DIAPH3: variants seen among roughly 807,000 people sequenced by gnomAD.
The protein encoded by DIAPH3 is diaphanous related formin 3, also known as protein diaphanous homolog 3.
In DIAPH3, 117 loss-of-function variants were observed where a neutral mutation model predicts 144.3. The ratio of observed to expected loss-of-function variants is 0.81; its 90% CI spans 0.70 to 0.95. The LOEUF (loss-of-function observed/expected upper bound fraction) is 0.95, where lower values mean the gene tolerates loss of function less well. Ranked by LOEUF, DIAPH3 falls within the 40% of genes least tolerant of loss-of-function variation. The probability of loss-of-function intolerance (pLI) is 0.00; values close to 1 mark genes in which losing one functional copy is unlikely to be tolerated. For synonymous variants in DIAPH3, 519 were observed against 488.9 expected, an observed-to-expected ratio of 1.06 and a Z score of -0.81; for missense variants, 1,421 against 1,412.7, an observed-to-expected ratio of 1.01 and a Z score of -0.09.
chr13:59,725,178 G>C (rs2035548061), intron 27 of DIAPH3, among the ~76,000 whole-genome samples: 1 of 152,176 alleles, frequency 6.6e-6, no homozygotes, highest in Non-Finnish European at 1.5e-5. Flanking sequence ...TTGCTGACTA[G>C]AAAATGACTA....
At chr13:59,941,966 T>C (rs2048558499) in intron 17 of DIAPH3, among the ~76,000 whole-genome samples, 1 of 152,198 alleles carries the variant, frequency 6.6e-6, no homozygotes, top group Non-Finnish European at 1.5e-5. Flanking sequence ...AATTATCAAA[T>C]TTAACATCTT....
chr13:59,883,064 A>C (rs1218802803), intron 20 of DIAPH3, among the ~76,000 whole-genome samples: 2 of 152,160 alleles, frequency 1.3e-5, no homozygotes, highest in Admixed American at 1.3e-4. Context: ...AGAGGGAACA[A>C]CGTAAAAAGA....
intron 1 of DIAPH3, among the ~76,000 whole-genome samples, chr13:60,161,516 G>A (rs569638550): frequency 6.6e-6 from 1 of 152,292 alleles, no homozygotes; most frequent in African/African-American, 2.4e-5. Context: ...TTCTGCCCAT[G>A]TTAAGATTTC....
chr13:60,112,251 A>C, intron 2 of DIAPH3, 65 bp from the exon 3 acceptor site: 1 of 1,577,574 alleles, frequency 6.3e-7, no homozygotes, highest in Non-Finnish European at 8.7e-7. Context: ...TCTCATCTCA[A>C]AAATGAGAAA....
intron 25 of DIAPH3, among the ~76,000 whole-genome samples, chr13:59,797,031 T>C (rs1031344984): frequency 1.3e-5 from 2 of 152,132 alleles, no homozygotes; most frequent in African/African-American, 4.8e-5. Context: ...GGAATACTGA[T>C]AACCCAACTC....
intron 17 of DIAPH3, among the ~76,000 whole-genome samples, chr13:59,967,059 GT>G: frequency 6.6e-6 from 1 of 151,574 alleles, no homozygotes; most frequent in South Asian, 2.1e-4. Flanking sequence ...GCCTGTTTTT[GT>G]TTTTTTGTTT....
intron 24 of DIAPH3, 119 bp downstream of exon 24, chr13:59,832,988 C>T: frequency 1.2e-6 from 1 of 822,062 alleles, no homozygotes; most frequent in Non-Finnish European, 2.0e-6. Flanking sequence ...AATTTTATAG[C>T]TTTCAAAATC....
chr13:59,668,626 A>T (rs550967315), intron 27 of DIAPH3, among the ~76,000 whole-genome samples: 8 of 152,206 alleles, frequency 5.3e-5, no homozygotes, highest in Admixed American at 1.3e-4. Context: ...GTAGGTGCTC[A>T]ATAAATATGT....
At chr13:59,722,144 A>G (rs2035376356) in intron 27 of DIAPH3, among the ~76,000 whole-genome samples, 1 of 152,208 alleles carries the variant, frequency 6.6e-6, no homozygotes, top group Non-Finnish European at 1.5e-5. Flanking sequence ...CCACAAAAAA[A>G]GCTTGCCACT....
intron 22 of DIAPH3, among the ~76,000 whole-genome samples, chr13:59,843,583 A>T (rs569323922): frequency 2.6e-5 from 4 of 152,246 alleles, no homozygotes; most frequent in Non-Finnish European, 5.9e-5. Context: ...GACATTTCAT[A>T]AAGAGTAAGC....
At chr13:59,710,100 TG>T (rs1358518080) in intron 27 of DIAPH3, among the ~76,000 whole-genome samples, 1 of 144,404 alleles carries the variant, frequency 6.9e-6, no homozygotes, top group Non-Finnish European at 1.5e-5. Context: ...TGTTGTGGGG[TG>T]GGGGTAAGGG....
intron 5 of DIAPH3, 120 bp from the exon 6 acceptor site, chr13:60,016,265 A>T: frequency 1.1e-6 from 1 of 876,530 alleles, no homozygotes; most frequent in Middle Eastern, 2.6e-4. Context: ...ACATAAGAAT[A>T]ACACCATATA....
chr13:59,673,559 G>A (rs937055193), intron 27 of DIAPH3, among the ~76,000 whole-genome samples: 1 of 152,140 alleles, frequency 6.6e-6, no homozygotes, highest in Non-Finnish European at 1.5e-5. Flanking sequence ...AACTCATGGT[G>A]GGCCCCTAGA....
chr13:59,697,615 C>T (rs1465878688), intron 27 of DIAPH3, among the ~76,000 whole-genome samples: 3 of 151,866 alleles, frequency 2.0e-5, no homozygotes, highest in Non-Finnish European at 4.4e-5. Flanking sequence ...TACCAGGAAA[C>T]TGCACTGCCT....
intron 27 of DIAPH3, among the ~76,000 whole-genome samples, chr13:59,760,139 T>A (rs2037502933): frequency 6.6e-6 from 1 of 152,182 alleles, no homozygotes; most frequent in East Asian, 1.9e-4. Context: ...TTCACTTTTT[T>A]CTTCTGGCAT....
At chr13:59,925,793 G>T (rs577584328) in intron 17 of DIAPH3, among the ~76,000 whole-genome samples, 6 of 151,838 alleles carry the variant, frequency 4.0e-5, no homozygotes, top group African/African-American at 1.5e-4. Flanking sequence ...ATTTCTTCTA[G>T]GTTTTCCAAT....
rs534448761 is a variant in DIAPH3 at position 60,163,174 on chromosome 13, T to A, written c.180+413A>T. 5.9e-5 allele frequency among the ~76,000 whole-genome samples: 9 copies of A among 152,318 alleles called. No homozygotes were observed. The South Asian group carries it at 1.9e-3, about 32-fold the overall frequency. On this transcript the variant is annotated intron_variant, in intron 1 of 27. Coordinates refer to ENST00000400324, the MANE Select transcript of DIAPH3 (RefSeq NM_001042517.2). ...CTAGCTGTTTCAACTTGGAAAATTA[T>A]ATCTACCTTAAAAGTTCTTATATGT...
intron 2 of DIAPH3, among the ~76,000 whole-genome samples, chr13:60,113,820 G>T (rs1412829289): frequency 1.3e-5 from 2 of 152,178 alleles, no homozygotes; most frequent in Admixed American, 6.5e-5. Context: ...TAGCTGCATG[G>T]GTGCTGGCAT....
At chr13:59,789,871 T>C (rs1167704038) in intron 25 of DIAPH3, among the ~76,000 whole-genome samples, 15 of 152,204 alleles carry the variant, frequency 9.9e-5, no homozygotes, top group Admixed American at 9.8e-4. Context: ...CCTGGGTGAC[T>C]GGGAAAATGG....
Sources: gnomAD v4.1 joint callset for allele counts (sites outside exome capture counted in the v4.1 genomes callset) on GRCh38, gnomAD v4.1.1 for gene constraint, MANE v1.5 for transcripts, NCBI Gene and HGNC (gene_info 2026-07-23, HGNC 2026-07-21) for gene names.